Variants in TACC1 observed in about 807,000 individuals in gnomAD.
The protein encoded by TACC1 is transforming acidic coiled-coil-containing protein 1.
TACC1 carries 48 observed loss-of-function variants against 84.4 expected under a neutral mutation model. The observed-to-expected ratio is 0.57, with a 90% CI of 0.45 to 0.72. The LOEUF is 0.72. Among genes scored for constraint, TACC1 ranks in the 30% least tolerant of loss-of-function variants. TACC1 has a pLI of 0.00. For missense variants in TACC1, 920 were observed against 973.0 expected (o/e 0.95, Z 0.72); for synonymous variants, 372 against 376.3 (o/e 0.99, Z 0.13).
upstream of TACC1, among the ~76,000 whole-genome samples, chr8:38,786,505 C>G (rs1817168911): frequency 6.6e-6 from 1 of 152,104 alleles, no homozygotes; most frequent in East Asian, 1.9e-4. Context: ...AGTTCAAGAC[C>G]AGCCTGGGCA....
intron 2 of TACC1, among the ~76,000 whole-genome samples, chr8:38,797,036 C>T (rs553870371): frequency 6.6e-5 from 10 of 152,338 alleles, no homozygotes; most frequent in South Asian, 6.2e-4. Context: ...TCTCCTAAGG[C>T]GGCTTACTCA....
chr8:38,795,419 T>G (rs561789312), intron 2 of TACC1, among the ~76,000 whole-genome samples: 1 of 152,252 alleles, frequency 6.6e-6, no homozygotes, highest in African/African-American at 2.4e-5. Flanking sequence ...GAACTTACTT[T>G]GGTACTTGCG....
At chr8:38,738,811 C>T (rs1486382502) in intron 1 of TACC1, among the ~76,000 whole-genome samples, 3 of 152,146 alleles carry the variant, frequency 2.0e-5, no homozygotes, top group Non-Finnish European at 4.4e-5. Flanking sequence ...AATCTTGGTG[C>T]TAGATGTGCT....
At chr8:38,834,740 TAGAG>T (rs1465340112) in intron 6 of TACC1, among the ~76,000 whole-genome samples, 1 of 152,192 alleles carries the variant, frequency 6.6e-6, no homozygotes, top group Non-Finnish European at 1.5e-5. Flanking sequence ...GAGCATTTTC[TAGAG>T]AGAGGGTAAA....
At chr8:38,806,446 G>C (rs1822723280) in intron 2 of TACC1, among the ~76,000 whole-genome samples, 1 of 151,762 alleles carries the variant, frequency 6.6e-6, no homozygotes, top group African/African-American at 2.4e-5. Flanking sequence ...GTCATGGTCT[G>C]CCTGTGTGTG....
At chr8:38,818,574 CTT>C in intron 2 of TACC1, among the ~76,000 whole-genome samples, 1 of 152,240 alleles carries the variant, frequency 6.6e-6, no homozygotes, top group Non-Finnish European at 1.5e-5. Context: ...GAAAAAATAA[CTT>C]TATTGTTTTA....
chr8:38,766,973 G>A (rs934755620), intron 3 of TACC1, among the ~76,000 whole-genome samples: 8 of 152,328 alleles, frequency 5.3e-5, no homozygotes, highest in African/African-American at 1.9e-4. Flanking sequence ...GGAAGTAAAT[G>A]TTTGAGAAAA....
intron 8 of TACC1, 143 bp from the exon 9 acceptor site, chr8:38,840,081 A>T: frequency 3.1e-6 from 1 of 318,766 alleles, no homozygotes; most frequent in African/African-American, 2.2e-5. Flanking sequence ...AAAAAAAAAG[A>T]TAACGAGAGC....
intron 1 of TACC1, among the ~76,000 whole-genome samples, chr8:38,730,223 C>T (rs1053516594): frequency 6.6e-6 from 1 of 152,226 alleles, no homozygotes; most frequent in Non-Finnish European, 1.5e-5. Context: ...TGATCGCCTT[C>T]TGCCCTAGGG....
rs775964310 is a variant in TACC1 at position 38,820,631 on chromosome 8, A to G, written c.1387A>G (p.Ile463Val). The G allele has an allele frequency of 9.1e-5, 146 of 1,603,382 alleles. No individual in the cohort carries two copies. The highest frequency in any genetic ancestry group is 1.2e-4 in the Non-Finnish European group (141 of 1,178,744). ...ACCCAAGAAGGCAAAGTCGCGTTTAATAACGTGAGTGACAGTGGGCGCTGG... is the reference window on the plus strand; with the variant it reads ...ACCCAAGAAGGCAAAGTCGCGTTTAGTAACGTGAGTGACAGTGGGCGCTGG... ...ESPKKAKSRL[I>V]TSGCKVKKHE... Residue 463 changes from isoleucine (I) to valine (V), a missense_variant, in exon 3 of 13, where the codon ATA (isoleucine) becomes GTA (valine). Transcript: ENST00000317827.
intron 6 of TACC1, among the ~76,000 whole-genome samples, chr8:38,834,265 C>T (rs1441106028): frequency 1.3e-5 from 2 of 152,244 alleles, no homozygotes; most frequent in African/African-American, 2.4e-5. Context: ...CGGGTCCCCA[C>T]TGGCTATTGG....
intron 2 of TACC1, among the ~76,000 whole-genome samples, chr8:38,814,513 G>C (rs1043847560): frequency 6.6e-6 from 1 of 152,128 alleles, no homozygotes; most frequent in Non-Finnish European, 1.5e-5. Context: ...CAGGTTTGTA[G>C]CCTAGGAGCA....
intron 7 of TACC1, among the ~76,000 whole-genome samples, chr8:38,837,209 A>T (rs1487844694): frequency 6.7e-6 from 1 of 150,058 alleles, no homozygotes; most frequent in Non-Finnish European, 1.5e-5. Flanking sequence ...GAGTTCAGGA[A>T]TTCGAGACCA....
At chr8:38,813,736 T>C (rs1824784778) in intron 2 of TACC1, among the ~76,000 whole-genome samples, 1 of 152,178 alleles carries the variant, frequency 6.6e-6, no homozygotes, top group South Asian at 2.1e-4. Context: ...GTAATGCCCA[T>C]CCTTTCATAT....
chr8:38,764,629 A>G (rs1284890060), intron 3 of TACC1, among the ~76,000 whole-genome samples: 1 of 152,048 alleles, frequency 6.6e-6, no homozygotes, highest in Admixed American at 6.6e-5. Context: ...TTATATGGTG[A>G]GGCCAGCTAG....
At position 38,831,129 on chromosome 8, in the gene TACC1, A is replaced by G. The variant is rs1286953267; in HGVS notation, c.1665A>G (p.Ile555Met). The G allele has an allele frequency of 2.5e-6, 4 of 1,614,206 alleles. No homozygotes were observed. Among genetic ancestry groups the G allele is most frequent in the Non-Finnish European group, 3.4e-6 (4 of 1,180,000 alleles). The stretch of plus-strand genomic sequence containing the variant: ...AAAAATGACTTTCTGTCTTAGGCAT[A>G]GAGAAGGAGACGTGCCAGAAGATGG... ...NHAFSSSEAG[I>M]EKETCQKMEE... Residue 555 changes from isoleucine to methionine, a missense_variant, in exon 6 of 13, where the codon ATA becomes ATG. This residue lies in a region of TACC1 where 762 missense variants were observed against 747.3 expected (regional missense o/e 1.02). Transcript: ENST00000317827.
At chr8:38,784,540 C>A (rs1162403141), upstream of TACC1, among the ~76,000 whole-genome samples, 19 of 151,880 alleles carry the variant, frequency 1.3e-4, no homozygotes, top group African/African-American at 4.4e-4. Context: ...CGTGCTCCAG[C>A]CTGGGTGACA....
chr8:38,796,301 A>G (rs891975236), intron 2 of TACC1, among the ~76,000 whole-genome samples: 3 of 152,220 alleles, frequency 2.0e-5, no homozygotes, highest in African/African-American at 7.2e-5. Context: ...TCTTTGGAAC[A>G]TATTATACAG....
At chr8:38,822,181 G>A (rs1826996726) in intron 3 of TACC1, among the ~76,000 whole-genome samples, 1 of 148,196 alleles carries the variant, frequency 6.7e-6, no homozygotes, top group Non-Finnish European at 1.5e-5. Context: ...GGAGGTTGAG[G>A]TTGCTGTGAG....
Sources: gnomAD v4.1 joint callset for allele counts (sites outside exome capture counted in the v4.1 genomes callset) on GRCh38, gnomAD v4.1.1 for gene constraint, gnomAD v4.1.1 regional missense constraint, MANE v1.5 for transcripts, NCBI Gene and HGNC (gene_info 2026-07-23, HGNC 2026-07-21) for gene names.